Variants in ARB2A observed in about 807,000 individuals in gnomAD.
ARB2A encodes cotranscriptional regulator ARB2A.
At chr5:93,683,394 C>G in the ARB2A span, 1 of 1,602,966 alleles carries the variant, frequency 6.2e-7, no homozygotes, top group Non-Finnish European at 8.5e-7. Flanking sequence ...CTAATATGCA[C>G]TGGCCCTGAA....
chr5:94,053,245 T>C, the ARB2A span: 19 of 1,245,194 alleles, frequency 1.5e-5, no homozygotes, highest in Admixed American at 2.1e-5. Flanking sequence ...AGAAATGATA[T>C]GAAATTTACT....
chr5:93,767,993 C>CAA, the ARB2A span, among the ~76,000 whole-genome samples: 357 of 20,956 alleles, frequency 0.017, 54 homozygotes, highest in Middle Eastern at 0.091. Context: ...GACTCCATCT[C>CAA]AAAAAAAAAA....
At chr5:93,781,406 T>G in the ARB2A span, among the ~76,000 whole-genome samples, 1 of 152,336 alleles carries the variant, frequency 6.6e-6, no homozygotes, top group East Asian at 1.9e-4. Flanking sequence ...TATTTAGATA[T>G]GTACCACATT....
At chr5:93,697,522 C>T in the ARB2A span, among the ~76,000 whole-genome samples, 59 of 152,214 alleles carry the variant, frequency 3.9e-4, no homozygotes, top group East Asian at 8.9e-3. Flanking sequence ...CAATGCAATT[C>T]TTCTTTACTT....
chr5:93,647,626 C>T, the ARB2A span, among the ~76,000 whole-genome samples: 3 of 152,122 alleles, frequency 2.0e-5, no homozygotes, highest in East Asian at 1.9e-4. Flanking sequence ...TGGGTTCAAG[C>T]GATTTTCCTG....
At chr5:94,087,397 C>T in the ARB2A span, among the ~76,000 whole-genome samples, 94 of 151,764 alleles carry the variant, frequency 6.2e-4, 1 homozygote, top group East Asian at 9.3e-3. Context: ...AGAATAAAAT[C>T]CCATCTCTTA....
chr5:93,838,307 G>T, the ARB2A span, among the ~76,000 whole-genome samples: 1 of 152,096 alleles, frequency 6.6e-6, no homozygotes, highest in African/African-American at 2.4e-5. Context: ...TCAGACAGTT[G>T]CAGGTGTGTG....
chr5:94,096,736 A>G, the ARB2A span, among the ~76,000 whole-genome samples: 44 of 152,294 alleles, frequency 2.9e-4, no homozygotes, highest in African/African-American at 1.1e-3. Context: ...AGAACAGACC[A>G]TCAAGATCAC....
At chr5:93,618,104 T>C in the ARB2A span, 5 of 151,702 alleles carry the variant, frequency 3.3e-5, no homozygotes, top group Non-Finnish European at 7.4e-5. Context: ...AAAATGGAAA[T>C]GGAAATATAA....
At chr5:94,031,433 TA>T in the ARB2A span, among the ~76,000 whole-genome samples, 1 of 152,144 alleles carries the variant, frequency 6.6e-6, no homozygotes, top group Admixed American at 6.5e-5. Flanking sequence ...TAGGACTTAA[TA>T]GAGGGCCAAA....
the ARB2A span, among the ~76,000 whole-genome samples, chr5:93,788,703 GATTTA>G: frequency 2.5e-4 from 38 of 152,274 alleles, no homozygotes; most frequent in East Asian, 4.2e-3. Flanking sequence ...ATTGAATTAT[GATTTA>G]ATTTAACTTA....
At chr5:93,853,588 G>A in the ARB2A span, among the ~76,000 whole-genome samples, 17 of 152,272 alleles carry the variant, frequency 1.1e-4, no homozygotes, top group South Asian at 1.7e-3. Flanking sequence ...GATATTGGCT[G>A]TGGGTTTGTC....
chr5:93,740,143 A>G, the ARB2A span: 1 of 155,226 alleles, frequency 6.4e-6, no homozygotes, highest in Non-Finnish European at 1.4e-5. Context: ...TTGTGTTTAC[A>G]CAGAGTTCTG....
At chr5:93,663,187 T>G in the ARB2A span, among the ~76,000 whole-genome samples, 1 of 152,204 alleles carries the variant, frequency 6.6e-6, no homozygotes, top group African/African-American at 2.4e-5. Flanking sequence ...AGCAAATCCC[T>G]TCTATTTTCC....
chr5:94,017,183 G>A, the ARB2A span, among the ~76,000 whole-genome samples: 2 of 152,180 alleles, frequency 1.3e-5, no homozygotes, highest in Non-Finnish European at 2.9e-5. Flanking sequence ...ATCTTGGCTG[G>A]CTACTGAAAG....
the ARB2A span, among the ~76,000 whole-genome samples, chr5:93,769,878 T>A: frequency 6.6e-6 from 1 of 152,090 alleles, no homozygotes; most frequent in African/African-American, 2.4e-5. Context: ...TAGAACAAAA[T>A]CCCACAGGGA....
chr5:93,929,162 T>A, the ARB2A span, among the ~76,000 whole-genome samples: 2 of 152,132 alleles, frequency 1.3e-5, no homozygotes, highest in African/African-American at 4.8e-5. Flanking sequence ...TGTAAAATAA[T>A]TCTGTTCTTT....
the ARB2A span, among the ~76,000 whole-genome samples, chr5:93,859,620 A>T: frequency 6.6e-6 from 1 of 152,204 alleles, no homozygotes; most frequent in African/African-American, 2.4e-5. Context: ...TCAGTAAAAA[A>T]AGATTTTTTC....
the ARB2A span, among the ~76,000 whole-genome samples, chr5:93,748,622 G>C: frequency 1.3e-5 from 2 of 151,640 alleles, no homozygotes; most frequent in African/African-American, 4.8e-5. Flanking sequence ...GGATGATGAG[G>C]GACTATAAAA....
Sources: allele counts gnomAD v4.1 joint callset (sites outside exome capture counted in the v4.1 genomes callset), GRCh38; gene constraint gnomAD v4.1.1; transcripts MANE v1.5; gene names NCBI Gene and HGNC (gene_info 2026-07-23, HGNC 2026-07-21).